ERVH48-1: variants seen among roughly 807,000 people sequenced by gnomAD.
The protein encoded by ERVH48-1 is endogenous retrovirus group 48 member 1, envelope, also known as suppressyn.
Under a neutral mutation model 2.4 loss-of-function variants are expected in ERVH48-1, and 4 were observed. That is an observed-to-expected ratio of 1.68 (90% CI 0.83 to 3.84). The LOEUF is 3.84. Among genes scored for constraint, ERVH48-1 ranks in the 30% most tolerant of loss-of-function variants. The probability of loss-of-function intolerance (pLI) is 0.01; values close to 1 mark genes in which losing one functional copy is unlikely to be tolerated. For synonymous variants in ERVH48-1, 32 were observed against 15.5 expected (o/e 2.06, Z -2.49); for missense variants, 97 against 43.4 (o/e 2.23, Z -3.47).
At position 42,925,468 on chromosome 21, in the gene ERVH48-1, C is replaced by T. The variant is rs1300111799; in HGVS notation, c.-408G>A. 1.5e-5 allele frequency: 6 copies of T among 404,252 alleles called. No individual in the cohort carries two copies. The highest frequency in any genetic ancestry group is 2.3e-5 in the South Asian group (1 of 42,658). The allele number at this position is 404,252 out of a possible 1,614,324, so 25.0% of individuals were successfully genotyped here. A position where few individuals can be genotyped will look rare whatever the true frequency, so the allele number is the denominator to read the frequency against. On this transcript the variant is annotated 5_prime_UTR_variant, in exon 1 of 2. Transcript: ENST00000447535. ...GGAGGGGTGGTAGGTCCACTGGGGA[C>T]GTGGACGGAAGCCCCTCGCAGGTTT...
chr21:42,924,498 T>C (rs1468575175), intron 1 of ERVH48-1, among the ~76,000 whole-genome samples: 1 of 152,028 alleles, frequency 6.6e-6, no homozygotes, highest in South Asian at 2.1e-4. Flanking sequence ...GAGGCCAGGT[T>C]GTAATCTGAG....
chr21:42,920,487 G>A (rs1601234020), intron 1 of ERVH48-1, among the ~76,000 whole-genome samples: 1 of 152,278 alleles, frequency 6.6e-6, no homozygotes. Flanking sequence ...TTTGCAGTTA[G>A]GAAACCCCCT....
At chr21:42,921,677 G>A (rs2058806318) in intron 1 of ERVH48-1, among the ~76,000 whole-genome samples, 2 of 152,096 alleles carry the variant, frequency 1.3e-5, no homozygotes, top group Admixed American at 1.3e-4. Flanking sequence ...CATGATCAAG[G>A]GCCTGTCCAA....
At chr21:42,921,425 G>C (rs1487514423) in intron 1 of ERVH48-1, among the ~76,000 whole-genome samples, 3 of 152,078 alleles carry the variant, frequency 2.0e-5, no homozygotes, top group Non-Finnish European at 4.4e-5. Context: ...TGCGGAGGCG[G>C]GAGGGACTGG....
rs760419139 is a variant in ERVH48-1, at chr21:42,919,209, G to A, written c.-203C>T. On this transcript the variant is annotated 5_prime_UTR_variant, in exon 2 of 2. Coordinates refer to ENST00000447535, the MANE Select transcript of ERVH48-1 (RefSeq NM_001308491.2). Reference sequence around the variant, plus strand: ...CTCGGACTCTCACTGCAGTTGGTGTGCTGAGTATCACAGTGTAGGGGCCTG... The same window carrying A: ...CTCGGACTCTCACTGCAGTTGGTGTACTGAGTATCACAGTGTAGGGGCCTG... 2.1e-6 allele frequency: 1 copy of A among 470,406 alleles called. No individual in the cohort carries two copies. Among genetic ancestry groups the A allele is most frequent in the Non-Finnish European group, 3.5e-6 (1 of 288,982 alleles). 29.1% of individuals were successfully genotyped at this position (470,406 alleles called of 1,614,324 possible).
chr21:42,924,314 CAA>C (rs1033457073), intron 1 of ERVH48-1, among the ~76,000 whole-genome samples: 6 of 151,800 alleles, frequency 4.0e-5, no homozygotes, highest in Non-Finnish European at 7.4e-5. Context: ...GCTGGGAAGA[CAA>C]AGAGGAGGCT....
chr21:42,923,026 C>T (rs1187994106), intron 1 of ERVH48-1, among the ~76,000 whole-genome samples: 1 of 152,232 alleles, frequency 6.6e-6, no homozygotes, highest in East Asian at 1.9e-4. Flanking sequence ...TGTCAGTCTT[C>T]AGCGGCAAGG....
At position 42,917,944 on chromosome 21, in the gene ERVH48-1, A is replaced by G. The variant is rs1248063793; in HGVS notation, c.*580T>C. The G allele has an allele frequency of 6.6e-6, 1 of 152,308 alleles. No homozygotes were observed. The highest frequency in any genetic ancestry group is 1.5e-5 in the Non-Finnish European group (1 of 68,120). 9.4% of individuals were successfully genotyped at this position (152,308 alleles called of 1,614,324 possible). A position where few individuals can be genotyped will look rare whatever the true frequency, so the allele number is the denominator to read the frequency against. ...GAATCCAGGTTGAATTGTGCCTAGG[A>G]AGCAAGTACCTTGCCAGTGATAAGG... On this transcript the variant is annotated 3_prime_UTR_variant, in exon 2 of 2. Transcript: ENST00000447535.
chr21:42,924,924 C>T lies in ERVH48-1; in HGVS notation c.-286+422G>A, dbSNP rs567865663. On this transcript the variant is annotated intron_variant, in intron 1 of 1. Coordinates refer to ENST00000447535, the MANE Select transcript of ERVH48-1 (RefSeq NM_001308491.2). ...AGTCCCCCTAAGACCAGATGATCAG[C>T]GAGTGCCTGGCACACACCTTAGCAT... Among the ~76,000 whole-genome samples, 6 of 149,900 alleles carry T rather than the reference C, an allele frequency of 4.0e-5. No individual in the cohort carries two copies. The East Asian group carries it at 5.9e-4, about 15-fold the overall frequency.
intron 1 of ERVH48-1, among the ~76,000 whole-genome samples, chr21:42,923,870 G>T (rs1212972875): frequency 6.6e-6 from 1 of 152,180 alleles, no homozygotes; most frequent in Non-Finnish European, 1.5e-5. Context: ...GACTGGGTGA[G>T]GTACTGAAAC....
intron 1 of ERVH48-1, among the ~76,000 whole-genome samples, chr21:42,920,942 T>C (rs1398148554): frequency 6.6e-6 from 1 of 152,090 alleles, no homozygotes; most frequent in Non-Finnish European, 1.5e-5. Flanking sequence ...GAGATGAGAC[T>C]TAGTACGCTG....
intron 1 of ERVH48-1, among the ~76,000 whole-genome samples, chr21:42,923,559 G>T (rs970344677): frequency 2.6e-5 from 4 of 152,124 alleles, no homozygotes; most frequent in Admixed American, 2.6e-4. Context: ...CTGGGTTTTC[G>T]TCAGGACCTT....
At position 42,917,403 on chromosome 21, in the gene ERVH48-1, A is replaced by T. The variant is rs1244928634; in HGVS notation, c.*1121T>A. The T allele has an allele frequency of 6.6e-6, 1 of 152,078 alleles. No individual in the cohort carries two copies. The highest frequency in any genetic ancestry group is 1.5e-5 in the Non-Finnish European group (1 of 68,008). 9.4% of individuals were successfully genotyped at this position (152,078 alleles called of 1,614,324 possible). On this transcript the variant is annotated 3_prime_UTR_variant, in exon 2 of 2. Transcript: ENST00000447535. ...CCCCACCAGCATTTTAAATCCTCCT[A>T]AATTAGAGAACCACCCTCCTAGAAG...
At chr21:42,921,391 A>AACT (rs1366227877) in intron 1 of ERVH48-1, among the ~76,000 whole-genome samples, 7 of 152,208 alleles carry the variant, frequency 4.6e-5, no homozygotes, top group African/African-American at 1.4e-4. Context: ...TAGTCCTAGA[A>AACT]AAGAGAGAAT....
intron 1 of ERVH48-1, among the ~76,000 whole-genome samples, chr21:42,924,694 G>C (rs1040603265): frequency 6.6e-6 from 1 of 152,152 alleles, no homozygotes; most frequent in Non-Finnish European, 1.5e-5. Context: ...GGGATATCTC[G>C]CCTGAGGTCT....
At chr21:42,919,604 C>G (rs573529453) in intron 1 of ERVH48-1, among the ~76,000 whole-genome samples, 106 of 152,260 alleles carry the variant, frequency 7.0e-4, no homozygotes, top group African/African-American at 2.6e-3. Context: ...CAGAGTTGAC[C>G]TTTTCAACTT....
chr21:42,923,990 C>T (rs1339392322), intron 1 of ERVH48-1, among the ~76,000 whole-genome samples: 1 of 152,206 alleles, frequency 6.6e-6, no homozygotes, highest in Non-Finnish European at 1.5e-5. Flanking sequence ...TCTTCAGTTC[C>T]TGCTACTTCC....
Position 42,919,035 on chromosome 21 carries a change from G to T in ERVH48-1, c.-29C>A. ...TGGAAGCACGTGGTTAGTCTTCCTT[G>T]TGTTTTGGTTTTAAGAAAAAAATGT... On this transcript the variant is annotated 5_prime_UTR_variant, in exon 2 of 2. Coordinates refer to ENST00000447535, the MANE Select transcript of ERVH48-1 (RefSeq NM_001308491.2). 3 of 1,229,486 alleles carry T rather than the reference G, an allele frequency of 2.4e-6. No homozygotes were observed. Among genetic ancestry groups the T allele is most frequent in the Non-Finnish European group, 3.1e-6 (3 of 954,920 alleles). The allele number at this position is 1,229,486 out of a possible 1,614,324, so 76.2% of individuals were successfully genotyped here.
Position 42,917,244 on chromosome 21 carries a change from G to A in ERVH48-1, c.*1280C>T, listed in dbSNP as rs994114902. 6.6e-6 allele frequency: 1 copy of A among 152,156 alleles called. No homozygotes were observed. The highest frequency in any genetic ancestry group is 6.6e-5 in the Admixed American group (1 of 15,258). 9.4% of individuals were successfully genotyped at this position (152,156 alleles called of 1,614,324 possible). On this transcript the variant is annotated 3_prime_UTR_variant, in exon 2 of 2. Transcript: ENST00000447535. Reference sequence around the variant, plus strand: ...AATTTTTGGGGTATTCTTGAGAGACGGGTTGGTATCCATCGTGCCGCTGTA... The same window carrying A: ...AATTTTTGGGGTATTCTTGAGAGACAGGTTGGTATCCATCGTGCCGCTGTA...
Sources: allele counts gnomAD v4.1 joint callset (sites outside exome capture counted in the v4.1 genomes callset), GRCh38; gene constraint gnomAD v4.1.1; transcripts MANE v1.5; gene names NCBI Gene and HGNC (gene_info 2026-07-23, HGNC 2026-07-21).